CNNM2: variants seen among roughly 807,000 people sequenced by gnomAD.
The protein encoded by CNNM2 is metal transporter CNNM2.
A neutral mutation model predicts 66.9 loss-of-function variants in CNNM2; 12 were observed. The ratio of observed to expected loss-of-function variants is 0.18; its 90% confidence interval spans 0.11 to 0.29. The LOEUF is 0.29. Ranked by LOEUF, CNNM2 falls within the 10% of genes least tolerant of loss-of-function variation. The pLI is 1.00. For missense variants in CNNM2, 705 were observed against 1,167.7 expected, an observed-to-expected ratio of 0.60 and a Z score of 5.77; for synonymous variants, 557 against 501.8, an observed-to-expected ratio of 1.11 and a Z score of -1.47.
chr10:103,067,882 C>T (rs2065507632), intron 4 of CNNM2, among the ~76,000 whole-genome samples: 1 of 152,168 alleles, frequency 6.6e-6, no homozygotes, highest in South Asian at 2.1e-4. Context: ...AGAAAAATCC[C>T]ATGGAATTTA....
chr10:102,976,987 C>T (rs1048034777), intron 1 of CNNM2, among the ~76,000 whole-genome samples: 1 of 152,176 alleles, frequency 6.6e-6, no homozygotes, highest in Non-Finnish European at 1.5e-5. Flanking sequence ...ACTATTAACA[C>T]TTTACCTTTA....
At chr10:103,032,382 T>C (rs907563229) in intron 1 of CNNM2, among the ~76,000 whole-genome samples, 4 of 151,620 alleles carry the variant, frequency 2.6e-5, no homozygotes, top group African/African-American at 9.7e-5. Context: ...ACCTGGGAGA[T>C]GGAGGTTGCA....
At chr10:103,039,079 C>A (rs2064993062) in intron 1 of CNNM2, among the ~76,000 whole-genome samples, 1 of 151,680 alleles carries the variant, frequency 6.6e-6, no homozygotes, top group Non-Finnish European at 1.5e-5. Context: ...GTGATAGTTT[C>A]CTAAATGAAA....
At chr10:103,037,391 C>CA (rs2064961068) in intron 1 of CNNM2, among the ~76,000 whole-genome samples, 1 of 151,660 alleles carries the variant, frequency 6.6e-6, no homozygotes, top group Admixed American at 6.6e-5. Flanking sequence ...GTAGCTGGGA[C>CA]AATGGAGGCA....
At chr10:103,023,048 G>A (rs1693460477) in intron 1 of CNNM2, among the ~76,000 whole-genome samples, 1 of 152,100 alleles carries the variant, frequency 6.6e-6, no homozygotes, top group Admixed American at 6.6e-5. Context: ...GATTACAGGT[G>A]CACACCACCA....
intron 1 of CNNM2, among the ~76,000 whole-genome samples, chr10:103,036,207 GA>G (rs1274000379): frequency 6.6e-6 from 1 of 152,160 alleles, no homozygotes; most frequent in East Asian, 1.9e-4. Flanking sequence ...GGATGTTTAA[GA>G]AAGCCCAAAT....
chr10:102,949,087 A>G (rs1846725908), intron 1 of CNNM2, among the ~76,000 whole-genome samples: 1 of 152,134 alleles, frequency 6.6e-6, no homozygotes, highest in African/African-American at 2.4e-5. Flanking sequence ...AGCACCAACT[A>G]CAGTGTCCAG....
chr10:103,015,072 T>C (rs1216486536), intron 1 of CNNM2, among the ~76,000 whole-genome samples: 2 of 152,164 alleles, frequency 1.3e-5, no homozygotes, highest in East Asian at 3.8e-4. Context: ...CCAGAACATA[T>C]ACTCATGAGT....
intron 1 of CNNM2, among the ~76,000 whole-genome samples, chr10:102,925,057 G>A (rs533655559): frequency 5.1e-4 from 77 of 152,126 alleles, no homozygotes; most frequent in African/African-American, 1.8e-3. Flanking sequence ...GGCACTTTGG[G>A]AGGCTGAGAC....
chr10:102,993,216 T>C (rs1564836144), intron 1 of CNNM2, among the ~76,000 whole-genome samples: 1 of 152,196 alleles, frequency 6.6e-6, no homozygotes, highest in South Asian at 2.1e-4. Flanking sequence ...GAGAAACTTA[T>C]GTGATATAAG....
intron 1 of CNNM2, among the ~76,000 whole-genome samples, chr10:102,929,929 T>C (rs1307166948): frequency 6.6e-6 from 1 of 152,222 alleles, no homozygotes; most frequent in African/African-American, 2.4e-5. Flanking sequence ...ATGCCTAATA[T>C]AGCAAGTTTG....
At chr10:103,067,277 A>C (rs887071763) in intron 4 of CNNM2, among the ~76,000 whole-genome samples, 1 of 151,968 alleles carries the variant, frequency 6.6e-6, no homozygotes, top group African/African-American at 2.4e-5. Context: ...TGTGTTGCCC[A>C]GGCTGATCTT....
chr10:102,993,142 A>G (rs1202017498), intron 1 of CNNM2, among the ~76,000 whole-genome samples: 1 of 152,222 alleles, frequency 6.6e-6, no homozygotes, highest in East Asian at 1.9e-4. Context: ...TAGATGATGC[A>G]TGGTCTCCTT....
intron 1 of CNNM2, among the ~76,000 whole-genome samples, chr10:103,040,874 T>A (rs1243044392): frequency 6.6e-6 from 1 of 152,192 alleles, no homozygotes; most frequent in Non-Finnish European, 1.5e-5. Context: ...TCAGTTTGCC[T>A]CTTGTAAAAT....
In CNNM2 at chr10:102,918,660, G is replaced by A; in HGVS notation, c.180G>A (p.Ala60=). ...TCCTGCTGAGCTGCTGCTGCGGTGC[G>A]GGCGGCTGCGCAGCGGTGGGCGAGA... ...PLLLLSCCCG[A]GGCAAVGENE... is the part of the protein sequence containing the mutation. The change falls in exon 1 of 8, where the codon GCG becomes GCA. Residue 60 remains alanine, a synonymous_variant. Coordinates refer to ENST00000369878, the MANE Select transcript of CNNM2 (RefSeq NM_017649.5). The surrounding 1 kb of genome is among the most constrained non-coding windows in gnomAD (Gnocchi z 4.1). 1 of 1,549,590 alleles carries A rather than the reference G, an allele frequency of 6.5e-7. No individual in the cohort carries two copies. The highest frequency in any genetic ancestry group is 8.7e-7 in the Non-Finnish European group (1 of 1,147,242).
At chr10:102,923,075 G>A (rs1408846450) in intron 1 of CNNM2, among the ~76,000 whole-genome samples, 1 of 152,010 alleles carries the variant, frequency 6.6e-6, no homozygotes, top group Non-Finnish European at 1.5e-5. Flanking sequence ...TGTTCTGAAT[G>A]TGGGAAGAAA....
intron 1 of CNNM2, among the ~76,000 whole-genome samples, chr10:103,017,963 C>CAAAAAAAAAAAAAAA (rs59984156): frequency 0.013 from 1,037 of 78,576 alleles, 78 homozygotes; most frequent in East Asian, 0.028. Context: ...GAATCTGTCT[C>CAAAAAAAAAAAAAAA]AAAAAAAAAA....
chr10:102,942,614 A>G (rs1355812330), intron 1 of CNNM2, among the ~76,000 whole-genome samples: 1 of 152,224 alleles, frequency 6.6e-6, no homozygotes, highest in Non-Finnish European at 1.5e-5. Flanking sequence ...TAATGCTGCT[A>G]TGAACATGGG....
intron 4 of CNNM2, among the ~76,000 whole-genome samples, chr10:103,059,711 T>C (rs1430464189): frequency 6.6e-6 from 1 of 151,956 alleles, no homozygotes; most frequent in East Asian, 1.9e-4. Flanking sequence ...ATGATTTTGG[T>C]GGAAGTGTTT....
Sources: allele counts gnomAD v4.1 joint callset (sites outside exome capture counted in the v4.1 genomes callset), GRCh38; gene constraint gnomAD v4.1.1; non-coding constraint Gnocchi (gnomAD v3.1); transcripts MANE v1.5; gene names NCBI Gene and HGNC (gene_info 2026-07-23, HGNC 2026-07-21).